The following PAPPA2 variants were observed in gnomAD, a reference collection of about 807,000 sequenced individuals.
The protein encoded by PAPPA2 is pappalysin 2.
In PAPPA2, 86 loss-of-function variants were observed where a neutral mutation model predicts 176.4. That is an observed-to-expected ratio of 0.49 (90% CI 0.41 to 0.58). The LOEUF (loss-of-function observed/expected upper bound fraction) is 0.58, where lower values mean the gene tolerates loss of function less well. PAPPA2 is among the 20% of genes least tolerant of loss of function. PAPPA2 has a pLI of 0.00. For missense variants in PAPPA2, 2,073 were observed against 2,256.9 expected (o/e 0.92, Z 1.65); for synonymous variants, 809 against 852.2 (o/e 0.95, Z 0.88).
intron 2 of PAPPA2, among the ~76,000 whole-genome samples, chr1:176,588,469 G>A (rs1653458040): frequency 6.6e-6 from 1 of 152,210 alleles, no homozygotes; most frequent in South Asian, 2.1e-4. Flanking sequence ...AAGTGAGAGA[G>A]GGCATCACTG....
intron 5 of PAPPA2, 29 bp downstream of exon 5, chr1:176,690,459 G>GT (rs1558521921): frequency 6.2e-7 from 1 of 1,602,720 alleles, no homozygotes; most frequent in Non-Finnish European, 8.5e-7. Context: ...TTTGTTTTCT[G>GT]TTAAGAATAC....
chr1:176,556,593 C>T lies in PAPPA2; in HGVS notation c.271C>T (p.His91Tyr). The change falls in exon 2 of 23, where the codon CAT (histidine) becomes TAT (tyrosine). Residue 91 changes from histidine (H) to tyrosine (Y), a missense_variant. By Grantham distance (83) the His-to-Tyr change is moderately conservative (BLOSUM62 2). Around this residue, in one of 4 missense-constraint regions of PAPPA2, gnomAD observed 1,196 missense variants for 1,330.4 expected, o/e 0.90. Transcript: ENST00000367662. ...CCCCGTGGGGGAGCAAGAAATCCATCATACAGGACGCAGCAAACCAGACAC... is the reference window on the plus strand; with the variant it reads ...CCCCGTGGGGGAGCAAGAAATCCATTATACAGGACGCAGCAAACCAGACAC... ...PYPVGEQEIHHTGRSKPDTEG... is the reference protein window; with the variant it reads ...PYPVGEQEIHYTGRSKPDTEG... The T allele has an allele frequency of 6.2e-7, 1 of 1,614,196 alleles. No homozygotes were observed. The highest frequency in any genetic ancestry group is 8.5e-7 in the Non-Finnish European group (1 of 1,180,038).
chr1:176,737,446 A>G (rs145602092), intron 12 of PAPPA2, among the ~76,000 whole-genome samples: 7 of 152,176 alleles, frequency 4.6e-5, no homozygotes, highest in African/African-American at 1.7e-4. Flanking sequence ...TTCTTGTGCT[A>G]GTTGCTGTTG....
At chr1:176,623,622 C>T (rs1039814730) in intron 3 of PAPPA2, among the ~76,000 whole-genome samples, 10,181 of 77,576 alleles carry the variant, frequency 0.13, 813 homozygotes, top group African/African-American at 0.21. Context: ...TTCCTTCCTT[C>T]CTTTTTTACT....
chr1:176,814,696 G>T (rs1666306973), intron 21 of PAPPA2, among the ~76,000 whole-genome samples: 1 of 152,116 alleles, frequency 6.6e-6, no homozygotes, highest in Non-Finnish European at 1.5e-5. Flanking sequence ...GAGACAACAG[G>T]GTTTTCTAGA....
chr1:176,603,680 C>T (rs534620428), intron 3 of PAPPA2, among the ~76,000 whole-genome samples: 1 of 152,230 alleles, frequency 6.6e-6, no homozygotes, highest in African/African-American at 2.4e-5. Context: ...TTCTGTTGCC[C>T]TCAAATACAA....
chr1:176,829,487 G>A (rs1443564230), intron 21 of PAPPA2, among the ~76,000 whole-genome samples: 1 of 152,200 alleles, frequency 6.6e-6, no homozygotes, highest in African/African-American at 2.4e-5. Context: ...GCATGCTGGG[G>A]CTGTGGTGGA....
chr1:176,531,047 T>C (rs1392846653), intron 1 of PAPPA2, among the ~76,000 whole-genome samples: 1 of 152,248 alleles, frequency 6.6e-6, no homozygotes, highest in African/African-American at 2.4e-5. Flanking sequence ...AAAGTTTTAG[T>C]TCTGTCTACA....
intron 22 of PAPPA2, among the ~76,000 whole-genome samples, chr1:176,841,447 A>C (rs913238514): frequency 6.6e-6 from 1 of 151,896 alleles, no homozygotes; most frequent in Non-Finnish European, 1.5e-5. Context: ...CCATTCTCCT[A>C]CCCACTTGCC....
At chr1:176,830,904 G>A (rs895336898) in intron 21 of PAPPA2, among the ~76,000 whole-genome samples, 9 of 152,282 alleles carry the variant, frequency 5.9e-5, no homozygotes, top group Middle Eastern at 6.8e-3. Flanking sequence ...AAGCATTGCT[G>A]TGTACTTAGA....
intron 1 of PAPPA2, among the ~76,000 whole-genome samples, chr1:176,487,976 T>C (rs1316822606): frequency 6.6e-6 from 1 of 152,140 alleles, no homozygotes; most frequent in Non-Finnish European, 1.5e-5. Context: ...GGCAGGTAAG[T>C]AGAAAAAATG....
chr1:176,681,722 C>T (rs112655353), intron 4 of PAPPA2, among the ~76,000 whole-genome samples: 1 of 152,078 alleles, frequency 6.6e-6, no homozygotes, highest in African/African-American at 2.4e-5. Context: ...TTTTTCAGTG[C>T]CCTGGAAAGA....
intron 15 of PAPPA2, 40 bp downstream of exon 15, chr1:176,765,877 G>C: frequency 6.2e-7 from 1 of 1,601,512 alleles, no homozygotes; most frequent in Non-Finnish European, 8.5e-7. Context: ...CAAGTTCCTG[G>C]GAAGGGGAGG....
intron 1 of PAPPA2, among the ~76,000 whole-genome samples, chr1:176,526,789 G>A (rs1414131860): frequency 5.9e-5 from 9 of 152,322 alleles, no homozygotes. Context: ...ATGGCACAGG[G>A]CTTGAGGTTG....
At chr1:176,517,569 C>T (rs1377142741) in intron 1 of PAPPA2, among the ~76,000 whole-genome samples, 1 of 152,056 alleles carries the variant, frequency 6.6e-6, no homozygotes, top group Non-Finnish European at 1.5e-5. Flanking sequence ...GTGAGTCATC[C>T]CAGGCTGTGA....
chr1:176,629,920 G>A (rs1458247469), intron 3 of PAPPA2, among the ~76,000 whole-genome samples: 2 of 152,112 alleles, frequency 1.3e-5, no homozygotes, highest in African/African-American at 4.8e-5. Context: ...ATGTAAGGGT[G>A]TAGTGGCGGG....
At chr1:176,515,887 A>C (rs1287931124) in intron 1 of PAPPA2, among the ~76,000 whole-genome samples, 2 of 152,082 alleles carry the variant, frequency 1.3e-5, no homozygotes, top group Non-Finnish European at 2.9e-5. Flanking sequence ...AGTGGAATTG[A>C]TATTTACTGA....
At chr1:176,816,377 G>GCACA (rs66557602) in intron 21 of PAPPA2, among the ~76,000 whole-genome samples, 75 of 144,892 alleles carry the variant, frequency 5.2e-4, no homozygotes, top group African/African-American at 1.1e-3. Flanking sequence ...ACATCATCAC[G>GCACA]CACACACACA....
intron 1 of PAPPA2, among the ~76,000 whole-genome samples, chr1:176,481,371 GA>G (rs1273658599): frequency 2.6e-5 from 4 of 151,860 alleles, no homozygotes; most frequent in African/African-American, 9.7e-5. Flanking sequence ...CATGGCTCTG[GA>G]GTGATGCCGT....
Sources: allele counts gnomAD v4.1 joint callset (sites outside exome capture counted in the v4.1 genomes callset), GRCh38; gene constraint gnomAD v4.1.1; regional missense constraint gnomAD v4.1.1; transcripts MANE v1.5; gene names NCBI Gene and HGNC (gene_info 2026-07-23, HGNC 2026-07-21).